MAGI1: variants seen among roughly 807,000 people sequenced by gnomAD.
MAGI1 encodes the protein membrane associated guanylate kinase, WW and PDZ domain containing 1.
A neutral mutation model predicts 139.9 loss-of-function variants in MAGI1; 58 were observed. The ratio of observed to expected loss-of-function variants is 0.41; its 90% CI spans 0.34 to 0.52. MAGI1 has a LOEUF of 0.52. Among genes scored for constraint, MAGI1 ranks in the 20% least tolerant of loss-of-function variants. The pLI, the probability that MAGI1 is intolerant of heterozygous loss-of-function variation, is 0.12. For synonymous variants in MAGI1, 812 were observed against 737.9 expected (o/e 1.10, Z -1.63); for missense variants, 1,874 against 1,901.6 (o/e 0.99, Z 0.27).
chr3:65,753,540 A>C (rs1174784232), intron 1 of MAGI1, among the ~76,000 whole-genome samples: 1 of 151,920 alleles, frequency 6.6e-6, no homozygotes, highest in Non-Finnish European at 1.5e-5. Flanking sequence ...TGACCAACAC[A>C]GTGAAACCCC....
intron 12 of MAGI1, among the ~76,000 whole-genome samples, chr3:65,405,980 C>T (rs1402737710): frequency 6.6e-6 from 1 of 152,152 alleles, no homozygotes; most frequent in South Asian, 2.1e-4. Context: ...CCCACCTCAG[C>T]CTCCCAAAGT....
intron 1 of MAGI1, among the ~76,000 whole-genome samples, chr3:65,776,601 A>T (rs2038455100): frequency 6.6e-6 from 1 of 152,154 alleles, no homozygotes; most frequent in African/African-American, 2.4e-5. Context: ...AGCTGCAGGA[A>T]ATCTCTGGGT....
intron 1 of MAGI1, among the ~76,000 whole-genome samples, chr3:65,761,923 A>G (rs978674975): frequency 2.0e-5 from 3 of 152,184 alleles, no homozygotes; most frequent in East Asian, 3.9e-4. Flanking sequence ...GAAAAGCTGC[A>G]TTTTCCATCT....
intron 2 of MAGI1, among the ~76,000 whole-genome samples, chr3:65,588,981 T>A (rs1357465949): frequency 6.6e-6 from 1 of 152,172 alleles, no homozygotes; most frequent in Admixed American, 6.5e-5. Context: ...TAAACTTATA[T>A]TCTAGATAGT....
intron 1 of MAGI1, among the ~76,000 whole-genome samples, chr3:65,827,741 T>A (rs2042304737): frequency 6.6e-6 from 1 of 152,218 alleles, no homozygotes; most frequent in African/African-American, 2.4e-5. Flanking sequence ...AGAAGCTGCA[T>A]AATGTTATTG....
intron 1 of MAGI1, among the ~76,000 whole-genome samples, chr3:65,689,289 C>G (rs2088357656): frequency 1.3e-5 from 2 of 152,128 alleles, no homozygotes; most frequent in Admixed American, 1.3e-4. Context: ...AAAATAAAGA[C>G]AAGATTGGAT....
chr3:65,944,141 TA>T (rs1279042239), intron 1 of MAGI1, among the ~76,000 whole-genome samples: 1 of 152,188 alleles, frequency 6.6e-6, no homozygotes, highest in Non-Finnish European at 1.5e-5. Flanking sequence ...CATTTCTTAG[TA>T]AAATTTAATA....
At chr3:65,467,321 A>T (rs922733724) in intron 5 of MAGI1, among the ~76,000 whole-genome samples, 2 of 152,250 alleles carry the variant, frequency 1.3e-5, no homozygotes, top group African/African-American at 4.8e-5. Context: ...TACATGCATA[A>T]ACAAGGTAGA....
chr3:65,817,823 TTTAAG>T (rs2041701402), intron 1 of MAGI1, among the ~76,000 whole-genome samples: 2 of 152,214 alleles, frequency 1.3e-5, no homozygotes, highest in African/African-American at 2.4e-5. Flanking sequence ...TGCCTGTGTT[TTTAAG>T]CTAATGACAT....
chr3:66,026,407 T>G (rs771341893), intron 1 of MAGI1, among the ~76,000 whole-genome samples: 12 of 152,190 alleles, frequency 7.9e-5, no homozygotes, highest in Non-Finnish European at 1.8e-4. Flanking sequence ...ATATTTAATA[T>G]GCTTTAAAAA....
chr3:65,625,258 GTTTTA>G (rs1483901649), intron 1 of MAGI1, among the ~76,000 whole-genome samples: 3 of 152,128 alleles, frequency 2.0e-5, no homozygotes, highest in African/African-American at 7.2e-5. Flanking sequence ...AAACAAGTAT[GTTTTA>G]TTATATGTAA....
intron 2 of MAGI1, among the ~76,000 whole-genome samples, chr3:65,612,117 AG>A (rs1283871187): frequency 2.0e-5 from 3 of 152,140 alleles, no homozygotes; most frequent in Non-Finnish European, 4.4e-5. Flanking sequence ...GATATAAGTA[AG>A]GGGGAAGAGA....
At chr3:65,856,129 T>C (rs1397059679) in intron 1 of MAGI1, among the ~76,000 whole-genome samples, 3 of 152,162 alleles carry the variant, frequency 2.0e-5, no homozygotes, top group Non-Finnish European at 4.4e-5. Flanking sequence ...TTTTATTATG[T>C]TTAATTTTAA....
At chr3:65,826,697 CACTGT>C (rs898134233) in intron 1 of MAGI1, among the ~76,000 whole-genome samples, 2 of 152,156 alleles carry the variant, frequency 1.3e-5, no homozygotes, top group African/African-American at 4.8e-5. Context: ...ACATTAAGGG[CACTGT>C]ATTGAGACAT....
chr3:66,019,432 A>G (rs1013226001), intron 1 of MAGI1, among the ~76,000 whole-genome samples: 2 of 152,230 alleles, frequency 1.3e-5, no homozygotes, highest in Admixed American at 1.3e-4. Context: ...TGGAAAGGCA[A>G]CATTACCTCA....
At chr3:65,894,895 T>G (rs1020438480) in intron 1 of MAGI1, among the ~76,000 whole-genome samples, 2 of 152,238 alleles carry the variant, frequency 1.3e-5, no homozygotes, top group African/African-American at 2.4e-5. Flanking sequence ...TCATCCAGAT[T>G]CACTGCCTTA....
intron 2 of MAGI1, among the ~76,000 whole-genome samples, chr3:65,511,032 G>A (rs1199451729): frequency 6.8e-6 from 1 of 146,450 alleles, no homozygotes; most frequent in Non-Finnish European, 1.5e-5. Context: ...TTTCAACCCA[G>A]AATTTCATAT....
intron 2 of MAGI1, among the ~76,000 whole-genome samples, chr3:65,514,940 A>G: frequency 6.6e-6 from 1 of 150,444 alleles, no homozygotes; most frequent in Non-Finnish European, 1.5e-5. Flanking sequence ...CTGGATTAAG[A>G]AAATGTGGCA....
intron 1 of MAGI1, among the ~76,000 whole-genome samples, chr3:65,853,388 A>C (rs1218387275): frequency 6.6e-6 from 1 of 152,240 alleles, no homozygotes; most frequent in Non-Finnish European, 1.5e-5. Context: ...GTAAATTCCT[A>C]GTAGGGCAAA....
Sources: allele counts gnomAD v4.1 joint callset (sites outside exome capture counted in the v4.1 genomes callset), GRCh38; gene constraint gnomAD v4.1.1; transcripts MANE v1.5; gene names NCBI Gene and HGNC (gene_info 2026-07-23, HGNC 2026-07-21).